The following ST6GALNAC3 variants were observed in gnomAD, a reference collection of about 807,000 sequenced individuals.
ST6GALNAC3 encodes alpha-N-acetylgalactosaminide alpha-2,6-sialyltransferase 3.
In ST6GALNAC3, 25 loss-of-function variants were observed where a neutral mutation model predicts 32.7. The observed-to-expected ratio is 0.76, with a 90% CI of 0.56 to 1.07. The LOEUF (loss-of-function observed/expected upper bound fraction) is 1.07. Among genes scored for constraint, ST6GALNAC3 ranks in the 50% least tolerant of loss-of-function variants. ST6GALNAC3 has a pLI of 0.00. For missense variants in ST6GALNAC3, 355 were observed against 382.4 expected (o/e 0.93, Z 0.60); for synonymous variants, 129 against 133.1 (o/e 0.97, Z 0.21).
At chr1:76,092,682 T>A (rs1245556480) in intron 1 of ST6GALNAC3, among the ~76,000 whole-genome samples, 1 of 152,200 alleles carries the variant, frequency 6.6e-6, no homozygotes, top group African/African-American at 2.4e-5. Context: ...CTGCAATTAT[T>A]GTCGTAGAAG....
intron 3 of ST6GALNAC3, among the ~76,000 whole-genome samples, chr1:76,438,385 C>T (rs1272229093): frequency 1.3e-5 from 2 of 152,078 alleles, no homozygotes; most frequent in Admixed American, 6.5e-5. Context: ...GTGATCCACC[C>T]GCCTCGGCCT....
chr1:76,155,495 G>A (rs1651344016), intron 1 of ST6GALNAC3, among the ~76,000 whole-genome samples: 1 of 151,986 alleles, frequency 6.6e-6, no homozygotes, highest in Admixed American at 6.5e-5. Context: ...TTTTTGAGAC[G>A]GAGTCTCTGT....
intron 1 of ST6GALNAC3, among the ~76,000 whole-genome samples, chr1:76,173,764 T>A (rs1378832292): frequency 6.6e-6 from 1 of 152,072 alleles, no homozygotes; most frequent in Non-Finnish European, 1.5e-5. Context: ...ATTAGAGAAA[T>A]GCAAATCAAA....
In ST6GALNAC3 at chr1:76,313,971, A is replaced by G. The variant is rs771138470; in HGVS notation, c.185A>G (p.Tyr62Cys). The change falls in exon 2 of 5, where the codon TAT becomes TGT. Residue 62 changes from tyrosine (Y) to cysteine (C), a missense_variant. Coordinates refer to ENST00000328299, the MANE Select transcript of ST6GALNAC3 (RefSeq NM_152996.4). Reference protein sequence around the residue: ...YTYRRPLRTHYGYINVKTQEP... With the variant: ...YTYRRPLRTHCGYINVKTQEP... The stretch of plus-strand genomic sequence containing the variant: ...TACAGGCGGCCCCTTCGAACTCACT[A>G]TGGATACATAAATGTGAAGACACAA... 8 of 1,612,858 alleles carry G rather than the reference A, an allele frequency of 5.0e-6. No individual in the cohort carries two copies. The Admixed American group carries it at 5.0e-5, about 10-fold the overall frequency.
At chr1:76,108,301 T>C (rs1342830931) in intron 1 of ST6GALNAC3, among the ~76,000 whole-genome samples, 3 of 152,228 alleles carry the variant, frequency 2.0e-5, no homozygotes, top group Non-Finnish European at 4.4e-5. Context: ...CCAACCCTTT[T>C]ATTGAAAGCT....
chr1:76,149,545 A>T (rs1184113436), intron 1 of ST6GALNAC3, among the ~76,000 whole-genome samples: 1 of 152,252 alleles, frequency 6.6e-6, no homozygotes, highest in Admixed American at 6.5e-5. Flanking sequence ...TATATGCATT[A>T]TGAAATGATT....
At chr1:76,126,084 T>C (rs1281493743) in intron 1 of ST6GALNAC3, among the ~76,000 whole-genome samples, 3 of 152,212 alleles carry the variant, frequency 2.0e-5, no homozygotes, top group Non-Finnish European at 4.4e-5. Context: ...CAAGATAGTA[T>C]AGGGCCTCAT....
At chr1:76,409,454 CTAATT>C in intron 2 of ST6GALNAC3, among the ~76,000 whole-genome samples, 1 of 151,918 alleles carries the variant, frequency 6.6e-6, no homozygotes, top group East Asian at 1.9e-4. Flanking sequence ...ATCAAAGAAA[CTAATT>C]TAAGTTAATG....
chr1:76,625,252 C>A (rs1431426860), intron 3 of ST6GALNAC3, among the ~76,000 whole-genome samples: 1 of 151,874 alleles, frequency 6.6e-6, no homozygotes, highest in African/African-American at 2.4e-5. Context: ...AGAAAATATT[C>A]ATCACCAGCT....
At chr1:76,491,404 G>C (rs1240438549) in intron 3 of ST6GALNAC3, among the ~76,000 whole-genome samples, 1 of 152,030 alleles carries the variant, frequency 6.6e-6, no homozygotes, top group Non-Finnish European at 1.5e-5. Context: ...CAGTTCTCTT[G>C]ATACAGATCA....
intron 1 of ST6GALNAC3, among the ~76,000 whole-genome samples, chr1:76,237,584 T>A (rs1215991854): frequency 6.6e-6 from 1 of 152,144 alleles, no homozygotes; most frequent in Non-Finnish European, 1.5e-5. Context: ...GATGTCATAG[T>A]CTAAAAATTT....
Position 76,381,247 on chromosome 1 carries a change from C to T in ST6GALNAC3, c.214-30761C>T, listed in dbSNP as rs1438090485. ...AGTGTGATGATAAGAGATTATAGGG[C>T]ACCAGGAAAATCTAGCAAATACAGC... On this transcript the variant is annotated intron_variant, in intron 2 of 4. Coordinates refer to ENST00000328299, the MANE Select transcript of ST6GALNAC3 (RefSeq NM_152996.4). 2.0e-5 allele frequency among the ~76,000 whole-genome samples: 3 copies of T among 149,780 alleles called. No individual in the cohort carries two copies. In the East Asian group the frequency reaches 5.9e-4, roughly 30 times the overall value.
At chr1:76,533,795 AT>A (rs1191546376) in intron 3 of ST6GALNAC3, among the ~76,000 whole-genome samples, 13 of 152,052 alleles carry the variant, frequency 8.5e-5, no homozygotes, top group Non-Finnish European at 1.6e-4. Flanking sequence ...ATCATGACAC[AT>A]TTTCATCATT....
intron 3 of ST6GALNAC3, among the ~76,000 whole-genome samples, chr1:76,454,823 A>T (rs1657656919): frequency 6.7e-6 from 1 of 150,104 alleles, no homozygotes; most frequent in Non-Finnish European, 1.5e-5. Flanking sequence ...TTTTTAAATG[A>T]ATTGTGCTAG....
intron 1 of ST6GALNAC3, among the ~76,000 whole-genome samples, chr1:76,188,101 C>T (rs904514321): frequency 3.3e-5 from 5 of 152,148 alleles, no homozygotes; most frequent in Non-Finnish European, 7.4e-5. Flanking sequence ...CGGTGGCTCA[C>T]GCCTGTAAGC....
chr1:76,431,798 C>T (rs1215203129), intron 3 of ST6GALNAC3, among the ~76,000 whole-genome samples: 7 of 152,102 alleles, frequency 4.6e-5, no homozygotes, highest in Non-Finnish European at 7.4e-5. Flanking sequence ...CAGAGTGGTA[C>T]ATTTGTTACA....
chr1:76,110,571 G>C (rs1647852381), intron 1 of ST6GALNAC3, among the ~76,000 whole-genome samples: 1 of 152,216 alleles, frequency 6.6e-6, no homozygotes, highest in African/African-American at 2.4e-5. Context: ...TATAAAATGA[G>C]TAGGTTGTAT....
chr1:76,165,632 C>T lies in ST6GALNAC3; in HGVS notation c.18+90748C>T, dbSNP rs185450526. ...GTGGTTGAACTAATTTACACTCCCACCAACAGTGTATAACCATTCCTTTTT... is the reference window on the plus strand; with the variant it reads ...GTGGTTGAACTAATTTACACTCCCATCAACAGTGTATAACCATTCCTTTTT... On this transcript the variant is annotated intron_variant, in intron 1 of 4. Coordinates refer to ENST00000328299, the MANE Select transcript of ST6GALNAC3 (RefSeq NM_152996.4). Among the ~76,000 whole-genome samples, 41 of 152,310 alleles carry T rather than the reference C, an allele frequency of 2.7e-4. 2 individuals carry two copies. Among genetic ancestry groups the T allele is most frequent in the African/African-American group, 9.1e-4 (38 of 41,568 alleles).
chr1:76,602,972 A>G (rs150704964), intron 3 of ST6GALNAC3, among the ~76,000 whole-genome samples: 3 of 152,314 alleles, frequency 2.0e-5, no homozygotes, highest in Non-Finnish European at 4.4e-5. Flanking sequence ...GCTAATAAAC[A>G]TCTGAAAAGA....
Sources: gnomAD v4.1 joint callset for allele counts (sites outside exome capture counted in the v4.1 genomes callset) on GRCh38, gnomAD v4.1.1 for gene constraint, MANE v1.5 for transcripts, NCBI Gene and HGNC (gene_info 2026-07-23, HGNC 2026-07-21) for gene names.